GIPC2: variants seen among roughly 807,000 people sequenced by gnomAD.
GIPC2 encodes the protein PDZ domain-containing protein GIPC2.
GIPC2 carries 30 observed loss-of-function variants against 30.6 expected under a neutral mutation model. That is an observed-to-expected ratio of 0.98 (90% CI 0.73 to 1.33). GIPC2 has a LOEUF of 1.33. Ranked by LOEUF, GIPC2 falls within the 40% of genes most tolerant of loss-of-function variation. The pLI is 0.00. For synonymous variants in GIPC2, 167 were observed against 150.0 expected, an observed-to-expected ratio of 1.11 and a Z score of -0.83; for missense variants, 414 against 390.3, an observed-to-expected ratio of 1.06 and a Z score of -0.51.
intron 3 of GIPC2, among the ~76,000 whole-genome samples, chr1:78,100,496 G>T (rs1315109764): frequency 6.6e-6 from 1 of 152,140 alleles, no homozygotes; most frequent in Admixed American, 6.5e-5. Flanking sequence ...GTGGCTTCAG[G>T]GAGGGAGTAT....
intron 2 of GIPC2, among the ~76,000 whole-genome samples, chr1:78,094,018 ACC>A (rs1662091570): frequency 6.6e-6 from 1 of 152,176 alleles, no homozygotes; most frequent in Non-Finnish European, 1.5e-5. Flanking sequence ...TTTAAGAAAG[ACC>A]AACTTGAAGT....
At chr1:78,059,386 G>C (rs1315721108) in intron 1 of GIPC2, among the ~76,000 whole-genome samples, 1 of 152,212 alleles carries the variant, frequency 6.6e-6, no homozygotes, top group Non-Finnish European at 1.5e-5. Context: ...GACTATGACA[G>C]TGTTTTGCAA....
chr1:78,050,818 T>C (rs2102633448), intron 1 of GIPC2, among the ~76,000 whole-genome samples: 1 of 152,168 alleles, frequency 6.6e-6, no homozygotes, highest in East Asian at 1.9e-4. Flanking sequence ...GTATTTTTAG[T>C]AGAGGCAGGG....
chr1:78,082,981 C>T (rs1386947390), intron 2 of GIPC2, among the ~76,000 whole-genome samples: 2 of 152,064 alleles, frequency 1.3e-5, no homozygotes, highest in African/African-American at 2.4e-5. Context: ...CTTAGTACTT[C>T]AGAGTGTAAT....
chr1:78,133,401 A>G (rs1031033797), intron 5 of GIPC2, among the ~76,000 whole-genome samples: 1 of 152,180 alleles, frequency 6.6e-6, no homozygotes, highest in Non-Finnish European at 1.5e-5. Flanking sequence ...TACTGAACCA[A>G]AATCTCCATT....
chr1:78,047,645 T>C (rs1661120107), intron 1 of GIPC2, among the ~76,000 whole-genome samples: 1 of 152,196 alleles, frequency 6.6e-6, no homozygotes. Flanking sequence ...ACTAGCTGTG[T>C]GGACTTGAAT....
chr1:78,100,441 A>G (rs939655597), intron 3 of GIPC2, among the ~76,000 whole-genome samples: 4 of 152,318 alleles, frequency 2.6e-5, no homozygotes, highest in East Asian at 3.9e-4. Context: ...CCTGTTGGAC[A>G]TAGAAGTAAA....
chr1:78,046,835 G>A (rs4031842), intron 1 of GIPC2, among the ~76,000 whole-genome samples: 1 of 142,312 alleles, frequency 7.0e-6, no homozygotes, highest in Admixed American at 7.0e-5. Context: ...AAGTGGGGGG[G>A]AAAACATTGA....
At chr1:78,119,277 T>C in intron 3 of GIPC2, 116 bp from the exon 4 acceptor site, 1 of 602,480 alleles carries the variant, frequency 1.7e-6, no homozygotes, top group Non-Finnish European at 2.9e-6. Context: ...CTACGTTTTA[T>C]CAAATTTCTA....
chr1:78,130,545 G>A (rs951750058), intron 5 of GIPC2, among the ~76,000 whole-genome samples: 8 of 152,142 alleles, frequency 5.3e-5, no homozygotes, highest in African/African-American at 1.9e-4. Context: ...CTTGTGAATT[G>A]TTTGAAAAGC....
At position 78,135,769 on chromosome 1, in the gene GIPC2, C is replaced by G. The variant is rs57269280; in HGVS notation, c.*26C>G. On this transcript the variant is annotated 3_prime_UTR_variant, in exon 6 of 6. Coordinates refer to ENST00000370759, the MANE Select transcript of GIPC2 (RefSeq NM_017655.6). ...TGTGTACACTCCATCTCTGAAGAAA[C>G]AACCCATCGTTCTTTTTTTTCTCTT... The G allele has an allele frequency of 4.3e-4, 675 of 1,576,022 alleles. 4 individuals carry two copies. The African/African-American group carries it at 8.4e-3, about 20-fold the overall frequency.
rs1349108988 is a variant in GIPC2 at position 78,136,971 on chromosome 1, G to A, written c.*1228G>A. ...GTAATCAGAAATAATAACCTGTTAG[G>A]GATGTATTCTAGGAAATCAGAAGTA... On this transcript the variant is annotated 3_prime_UTR_variant, in exon 6 of 6. Coordinates refer to ENST00000370759, the MANE Select transcript of GIPC2 (RefSeq NM_017655.6). 1 of 152,084 alleles carries A rather than the reference G, an allele frequency of 6.6e-6. No individual in the cohort carries two copies. The highest frequency in any genetic ancestry group is 2.4e-5 in the African/African-American group (1 of 41,424). 9.4% of individuals were successfully genotyped at this position (152,084 alleles called of 1,614,324 possible). A position where few individuals can be genotyped will look rare whatever the true frequency, so the allele number is the denominator to read the frequency against.
At chr1:78,118,686 G>A (rs534283) in intron 3 of GIPC2, among the ~76,000 whole-genome samples, 33,022 of 152,004 alleles carry the variant, frequency 0.22, 4,056 homozygotes, top group East Asian at 0.61. Context: ...TATTTCTGTT[G>A]GTATGTCAAC....
At position 78,051,017 on chromosome 1, in the gene GIPC2, T is replaced by C. The variant is rs749628360; in HGVS notation, c.240+4683T>C. Among the ~76,000 whole-genome samples, 177 of 152,306 alleles carry C rather than the reference T, an allele frequency of 1.2e-3. 1 individual carries two copies. The highest frequency in any genetic ancestry group is 5.4e-4 in the Non-Finnish European group (37 of 68,024). On this transcript the variant is annotated intron_variant, in intron 1 of 5. Coordinates refer to ENST00000370759, the MANE Select transcript of GIPC2 (RefSeq NM_017655.6). ...CATTTTGTTGAAGGGGCATTTTGAA[T>C]ATTTGACTACTGTAATTGTTTGGCA...
intron 5 of GIPC2, among the ~76,000 whole-genome samples, chr1:78,133,430 ATTTG>A (rs944886870): frequency 3.3e-5 from 5 of 152,190 alleles, no homozygotes; most frequent in African/African-American, 1.2e-4. Flanking sequence ...ATCCTAGGTG[ATTTG>A]TTTGTGCATT....
At chr1:78,063,514 A>C (rs1189881232) in intron 1 of GIPC2, among the ~76,000 whole-genome samples, 1 of 151,194 alleles carries the variant, frequency 6.6e-6, no homozygotes, top group Non-Finnish European at 1.5e-5. Flanking sequence ...CAAAAAAAAA[A>C]CCAAAACAAA....
intron 1 of GIPC2, among the ~76,000 whole-genome samples, chr1:78,050,300 T>TC (rs1661172382): frequency 6.6e-6 from 1 of 152,204 alleles, no homozygotes; most frequent in Admixed American, 6.5e-5. Flanking sequence ...ATTTTTTTTT[T>TC]CAATAAAAGC....
At chr1:78,131,600 G>C (rs544861370) in intron 5 of GIPC2, among the ~76,000 whole-genome samples, 1 of 152,056 alleles carries the variant, frequency 6.6e-6, no homozygotes, top group Admixed American at 6.5e-5. Context: ...TTAATATGCT[G>C]TACCTTTATA....
At chr1:78,045,515 T>C (rs1661051214), upstream of GIPC2, 1 of 973,702 alleles carries the variant, frequency 1.0e-6, no homozygotes, top group East Asian at 1.1e-4. Context: ...AACTCAGAGG[T>C]GCCAAGGACC....
Sources: allele counts gnomAD v4.1 joint callset (sites outside exome capture counted in the v4.1 genomes callset), GRCh38; gene constraint gnomAD v4.1.1; transcripts MANE v1.5; gene names NCBI Gene and HGNC (gene_info 2026-07-23, HGNC 2026-07-21).